The following LARGE1 variants were observed in gnomAD, a reference collection of about 807,000 sequenced individuals.
The protein encoded by LARGE1 is xylosyl- and glucuronyltransferase LARGE1.
Under a neutral mutation model 87.6 loss-of-function variants are expected in LARGE1, and 43 were observed. The ratio of observed to expected loss-of-function variants is 0.49; its 90% CI spans 0.38 to 0.63. LARGE1 has a LOEUF of 0.63. Ranked by LOEUF, LARGE1 falls within the 30% of genes least tolerant of loss-of-function variation. The pLI is 0.00. For synonymous variants in LARGE1, 434 were observed against 394.6 expected (o/e 1.10, Z -1.18); for missense variants, 802 against 1,000.2 (o/e 0.80, Z 2.67).
chr22:33,380,772 G>C (rs1338411493), intron 9 of LARGE1, among the ~76,000 whole-genome samples: 1 of 152,164 alleles, frequency 6.6e-6, no homozygotes, highest in Non-Finnish European at 1.5e-5. Context: ...AACTTGCAAT[G>C]GATATAAACT....
chr22:33,711,364 C>T (rs780620711), intron 2 of LARGE1, among the ~76,000 whole-genome samples: 1 of 152,144 alleles, frequency 6.6e-6, no homozygotes, highest in Non-Finnish European at 1.5e-5. Context: ...TGTTAAAATC[C>T]TCTGCTATAC....
chr22:33,437,915 T>A (rs1002985669), intron 6 of LARGE1, among the ~76,000 whole-genome samples: 7 of 150,880 alleles, frequency 4.6e-5, no homozygotes, highest in African/African-American at 1.7e-4. Flanking sequence ...TCTGTGGGGG[T>A]AAGTGGGTGA....
chr22:33,644,862 A>G (rs758382222), intron 3 of LARGE1, among the ~76,000 whole-genome samples: 17 of 152,188 alleles, frequency 1.1e-4, no homozygotes, highest in African/African-American at 1.7e-4. Context: ...AAGGGTTATG[A>G]AGGACCTCTT....
chr22:33,734,338 C>T (rs558275049), intron 2 of LARGE1, among the ~76,000 whole-genome samples: 180 of 152,236 alleles, frequency 1.2e-3, no homozygotes, highest in Non-Finnish European at 1.8e-3. Flanking sequence ...TCTTGAAAGA[C>T]GAACATGAGC....
intron 1 of LARGE1, among the ~76,000 whole-genome samples, chr22:33,852,565 G>C (rs564998389): frequency 6.6e-6 from 1 of 152,090 alleles, no homozygotes. Context: ...GTACGATAAA[G>C]GCTGGGCACG....
chr22:33,643,714 A>T (rs1266640464), intron 3 of LARGE1, among the ~76,000 whole-genome samples: 5 of 152,252 alleles, frequency 3.3e-5, no homozygotes, highest in South Asian at 2.1e-4. Flanking sequence ...ACACAGTAAA[A>T]GATGATAAAG....
chr22:33,880,882 G>A (rs1296989337), intron 1 of LARGE1, among the ~76,000 whole-genome samples: 1 of 152,182 alleles, frequency 6.6e-6, no homozygotes, highest in Non-Finnish European at 1.5e-5. Flanking sequence ...AGGGATGGAA[G>A]CGAGATTTAT....
chr22:33,543,305 G>C (rs1439264708), intron 6 of LARGE1, among the ~76,000 whole-genome samples: 8 of 152,140 alleles, frequency 5.3e-5, no homozygotes. Flanking sequence ...ATTTGTAAAA[G>C]GGAAGATCAA....
chr22:33,492,924 C>T (rs2069919910), intron 6 of LARGE1, among the ~76,000 whole-genome samples: 1 of 152,078 alleles, frequency 6.6e-6, no homozygotes, highest in African/African-American at 2.4e-5. Context: ...GCAATGCGCA[C>T]CCTGTTTTGA....
intron 1 of LARGE1, among the ~76,000 whole-genome samples, chr22:33,882,035 G>GT (rs56757133): frequency 0.092 from 13,281 of 144,124 alleles, 2,068 homozygotes; most frequent in African/African-American, 0.33. Flanking sequence ...TTTTGTTTTT[G>GT]TTTTTTTTTG....
intron 11 of LARGE1, among the ~76,000 whole-genome samples, chr22:33,237,887 C>T (rs5754493): frequency 0.016 from 2,467 of 152,256 alleles, 22 homozygotes; most frequent in East Asian, 0.026. Flanking sequence ...AATAAATGTG[C>T]ATAACGCACG....
intron 11 of LARGE1, among the ~76,000 whole-genome samples, chr22:33,313,485 C>T (rs1197889260): frequency 6.6e-6 from 1 of 152,212 alleles, no homozygotes; most frequent in African/African-American, 2.4e-5. Context: ...GCCCCGCTGG[C>T]GGACATGCCC....
At position 33,376,225 on chromosome 22, in the gene LARGE1, A is replaced by G. The variant is rs143165161; in HGVS notation, c.1131+5694T>C. 4.5e-3 allele frequency among the ~76,000 whole-genome samples: 682 copies of G among 152,352 alleles called. 4 individuals carry two copies. The highest frequency in any genetic ancestry group is 0.016 in the African/African-American group (645 of 41,586). ...ATGCGGACACGAGTTATATTTCTAA[A>G]GAAAGCTAGAATACACCTGTTATTA... On this transcript the variant is annotated intron_variant, in intron 9 of 14. Transcript: ENST00000397394.
At chr22:33,502,465 C>T (rs4239872) in intron 6 of LARGE1, among the ~76,000 whole-genome samples, 2 of 152,180 alleles carry the variant, frequency 1.3e-5, no homozygotes, top group African/African-American at 2.4e-5. Flanking sequence ...ATGCAGGGAG[C>T]GGTGAAGTTC....
chr22:33,664,767 G>A lies in LARGE1; in HGVS notation c.107-14099C>T, dbSNP rs181010486. 1.3e-4 allele frequency among the ~76,000 whole-genome samples: 20 copies of A among 152,232 alleles called. No homozygotes were observed. The East Asian group carries it at 2.3e-3, about 18-fold the overall frequency. On this transcript the variant is annotated intron_variant, in intron 2 of 14. Transcript: ENST00000397394. The stretch of plus-strand genomic sequence containing the variant: ...TAGTCTCAGCTACTCGGGAGGCTGC[G>A]GCAGAAGAAACGCTTGAACCCAAGA...
At chr22:33,386,522 T>G (rs550020653) in intron 7 of LARGE1, among the ~76,000 whole-genome samples, 1 of 147,966 alleles carries the variant, frequency 6.8e-6, no homozygotes, top group Admixed American at 6.7e-5. Context: ...ATCAGCTCTC[T>G]GGGGGAAAAA....
chr22:33,255,352 CA>C (rs1215014525), intron 11 of LARGE1, among the ~76,000 whole-genome samples: 1 of 152,184 alleles, frequency 6.6e-6, no homozygotes, highest in Non-Finnish European at 1.5e-5. Context: ...ATCTGAAATG[CA>C]GACTAAAACA....
At chr22:33,661,079 G>C (rs771809663) in intron 2 of LARGE1, among the ~76,000 whole-genome samples, 1 of 152,012 alleles carries the variant, frequency 6.6e-6, no homozygotes, top group East Asian at 1.9e-4. Context: ...TTTTAGCAAA[G>C]ATTTTCAATT....
rs149031494 is a variant in LARGE1, at chr22:33,819,295, C to T, written c.-82-57737G>A. ...AGCTCTTCATTGCGCTAATATTCTA[C>T]AAAGTTCATGGCAGAGCTGAAAAAT... On this transcript the variant is annotated intron_variant, in intron 1 of 14. Coordinates refer to ENST00000397394, the MANE Select transcript of LARGE1 (RefSeq NM_133642.5). Among the ~76,000 whole-genome samples, 885 of 152,306 alleles carry T rather than the reference C, an allele frequency of 5.8e-3. 5 individuals carry two copies. The highest frequency in any genetic ancestry group is 8.5e-3 in the Non-Finnish European group (575 of 68,034).
Sources: gnomAD v4.1 joint callset for allele counts (sites outside exome capture counted in the v4.1 genomes callset) on GRCh38, gnomAD v4.1.1 for gene constraint, MANE v1.5 for transcripts, NCBI Gene and HGNC (gene_info 2026-07-23, HGNC 2026-07-21) for gene names.